Variants in NAALADL2 observed in about 807,000 individuals in gnomAD.
NAALADL2 encodes the protein N-acetylated alpha-linked acidic dipeptidase like 2.
Under a neutral mutation model 87.2 loss-of-function variants are expected in NAALADL2, and 76 were observed. The ratio of observed to expected loss-of-function variants is 0.87; its 90% CI spans 0.72 to 1.05. NAALADL2 has a LOEUF of 1.05. Ranked by LOEUF, NAALADL2 falls within the 50% of genes least tolerant of loss-of-function variation. NAALADL2 has a pLI of 0.00. For missense variants in NAALADL2, 1,089 were observed against 945.8 expected, an observed-to-expected ratio of 1.15 and a Z score of -1.99; for synonymous variants, 354 against 331.0, an observed-to-expected ratio of 1.07 and a Z score of -0.75.
upstream of NAALADL2, among the ~76,000 whole-genome samples, chr3:174,854,384 A>G (rs1725614475): frequency 6.6e-6 from 1 of 152,184 alleles, no homozygotes; most frequent in South Asian, 2.1e-4. Flanking sequence ...TGGATGGGAA[A>G]CCTAGTAGAG....
chr3:175,119,860 G>A (rs1580553995), intron 2 of NAALADL2, among the ~76,000 whole-genome samples: 1 of 137,334 alleles, frequency 7.3e-6, no homozygotes. Flanking sequence ...GCTTATGTAA[G>A]TGTGTATGTG....
At chr3:174,698,732 C>A (rs1020474291) in intron 2 of NAALADL2, among the ~76,000 whole-genome samples, 4 of 133,462 alleles carry the variant, frequency 3.0e-5, no homozygotes, top group Non-Finnish European at 6.0e-5. Context: ...GGCGTAGTGG[C>A]GGGCGCCTTT....
At chr3:174,939,937 C>A (rs1488002339) in intron 1 of NAALADL2, among the ~76,000 whole-genome samples, 1 of 152,074 alleles carries the variant, frequency 6.6e-6, no homozygotes, top group African/African-American at 2.4e-5. Context: ...GATGTAGAAT[C>A]ATGTAATCTG....
chr3:174,471,987 T>C (rs114384449), intron 1 of NAALADL2, among the ~76,000 whole-genome samples: 1,840 of 152,258 alleles, frequency 0.012, 31 homozygotes, highest in African/African-American at 0.042. Flanking sequence ...TAATAATTTT[T>C]AAAAGAATGT....
intron 1 of NAALADL2, among the ~76,000 whole-genome samples, chr3:174,540,428 G>T (rs1722120780): frequency 6.6e-6 from 1 of 152,100 alleles, no homozygotes; most frequent in African/African-American, 2.4e-5. Context: ...ACTTTGGCAG[G>T]CAGCCTTAAT....
intron 1 of NAALADL2, among the ~76,000 whole-genome samples, chr3:174,541,295 A>G (rs1304962830): frequency 6.6e-6 from 1 of 152,216 alleles, no homozygotes; most frequent in Non-Finnish European, 1.5e-5. Flanking sequence ...AATTCTGTTA[A>G]CAGATTTTTT....
At chr3:174,818,014 C>T (rs548613006) in intron 3 of NAALADL2, among the ~76,000 whole-genome samples, 22 of 152,186 alleles carry the variant, frequency 1.4e-4, no homozygotes, top group Non-Finnish European at 2.5e-4. Context: ...AAATGCAACC[C>T]GCTGGGCTTT....
chr3:175,277,413 C>A (rs1753742638), intron 4 of NAALADL2, among the ~76,000 whole-genome samples: 1 of 152,064 alleles, frequency 6.6e-6, no homozygotes, highest in Non-Finnish European at 1.5e-5. Flanking sequence ...TCATTTTTGT[C>A]TTCCTGAAAG....
At chr3:175,212,064 T>C (rs942573350) in intron 2 of NAALADL2, among the ~76,000 whole-genome samples, 6 of 152,070 alleles carry the variant, frequency 3.9e-5, no homozygotes, top group Admixed American at 3.3e-4. Context: ...TTGTTTTTGT[T>C]TTTCTCTTTC....
chr3:175,796,252 A>G (rs1753482463), intron 13 of NAALADL2, among the ~76,000 whole-genome samples: 1 of 152,084 alleles, frequency 6.6e-6, no homozygotes, highest in East Asian at 1.9e-4. Context: ...TCTGTTGGTC[A>G]AGGCCCAAAC....
chr3:174,803,517 T>C (rs776327091), intron 3 of NAALADL2, among the ~76,000 whole-genome samples: 5 of 152,192 alleles, frequency 3.3e-5, no homozygotes, highest in Non-Finnish European at 5.9e-5. Flanking sequence ...TTGTTGCTTT[T>C]GGTGTTTTAG....
At chr3:175,387,828 A>T (rs1183637898) in intron 5 of NAALADL2, among the ~76,000 whole-genome samples, 1 of 152,092 alleles carries the variant, frequency 6.6e-6, no homozygotes, top group East Asian at 1.9e-4. Context: ...TATATGCAGG[A>T]TCTATTCCAA....
intron 11 of NAALADL2, among the ~76,000 whole-genome samples, chr3:175,733,208 C>T (rs930462033): frequency 6.6e-6 from 1 of 152,028 alleles, no homozygotes; most frequent in Admixed American, 6.5e-5. Flanking sequence ...TGTATTAGTT[C>T]GTTTTCACAC....
At chr3:175,369,312 G>A (rs1423514986) in intron 5 of NAALADL2, among the ~76,000 whole-genome samples, 1 of 151,890 alleles carries the variant, frequency 6.6e-6, no homozygotes, top group Non-Finnish European at 1.5e-5. Context: ...AATTATATAT[G>A]TAACAAGTAT....
At chr3:174,894,691 C>T (rs949751639) in intron 1 of NAALADL2, among the ~76,000 whole-genome samples, 13 of 137,782 alleles carry the variant, frequency 9.4e-5, no homozygotes, top group Non-Finnish European at 1.1e-4. Flanking sequence ...CAACATAGAT[C>T]TAATAGATAT....
At chr3:175,508,369 A>G (rs1307037079) in intron 9 of NAALADL2, among the ~76,000 whole-genome samples, 1 of 152,044 alleles carries the variant, frequency 6.6e-6, no homozygotes, top group Non-Finnish European at 1.5e-5. Context: ...GGTCACCTGA[A>G]CCTCTCTTTT....
chr3:175,652,327 G>A (rs909994403), intron 11 of NAALADL2, among the ~76,000 whole-genome samples: 2 of 152,166 alleles, frequency 1.3e-5, no homozygotes, highest in African/African-American at 2.4e-5. Flanking sequence ...TTTTGCACGA[G>A]TTTAAATTAA....
intron 2 of NAALADL2, among the ~76,000 whole-genome samples, chr3:174,582,871 A>G (rs1444282138): frequency 6.6e-6 from 1 of 151,262 alleles, no homozygotes; most frequent in East Asian, 2.0e-4. Flanking sequence ...GGCGTGAGCC[A>G]CTGCACCCAG....
chr3:174,635,275 G>C (rs1352485456), intron 2 of NAALADL2, among the ~76,000 whole-genome samples: 1 of 152,132 alleles, frequency 6.6e-6, no homozygotes, highest in African/African-American at 2.4e-5. Flanking sequence ...GCTAATTTTA[G>C]AGTACTTAAT....
Sources: gnomAD v4.1 joint callset for allele counts (sites outside exome capture counted in the v4.1 genomes callset) on GRCh38, gnomAD v4.1.1 for gene constraint, MANE v1.5 for transcripts, NCBI Gene and HGNC (gene_info 2026-07-23, HGNC 2026-07-21) for gene names.